MINDY2: variants seen among roughly 807,000 people sequenced by gnomAD.
MINDY2 encodes ubiquitin carboxyl-terminal hydrolase MINDY-2.
MINDY2 carries 52 observed loss-of-function variants against 68.2 expected under a neutral mutation model. The ratio of observed to expected loss-of-function variants is 0.76; its 90% CI spans 0.61 to 0.96. The LOEUF is 0.96. Among genes scored for constraint, MINDY2 ranks in the 40% least tolerant of loss-of-function variants. The pLI is 0.00. For missense variants in MINDY2, 881 were observed against 773.4 expected, an observed-to-expected ratio of 1.14 and a Z score of -1.65; for synonymous variants, 372 against 303.0, an observed-to-expected ratio of 1.23 and a Z score of -2.36.
intron 2 of MINDY2, among the ~76,000 whole-genome samples, chr15:58,799,802 C>T (rs1388130712): frequency 6.6e-6 from 1 of 152,022 alleles, no homozygotes; most frequent in Non-Finnish European, 1.5e-5. Flanking sequence ...GAGAAAGAAA[C>T]ACGATACCTA....
chr15:58,808,667 C>A (rs2029994872), intron 3 of MINDY2, among the ~76,000 whole-genome samples: 1 of 152,108 alleles, frequency 6.6e-6, no homozygotes, highest in Non-Finnish European at 1.5e-5. Context: ...TGCAGTGGCA[C>A]AATCTTGGCT....
chr15:58,800,525 G>T (rs1210860398), intron 2 of MINDY2, among the ~76,000 whole-genome samples: 1 of 152,060 alleles, frequency 6.6e-6, no homozygotes, highest in Non-Finnish European at 1.5e-5. Context: ...TAAATCTTTT[G>T]TATTAACTCT....
chr15:58,834,916 A>C (rs1266649423), intron 6 of MINDY2, among the ~76,000 whole-genome samples: 1 of 152,252 alleles, frequency 6.6e-6, no homozygotes, highest in African/African-American at 2.4e-5. Context: ...GATGTATGTC[A>C]GATGTGGGCC....
chr15:58,829,228 A>G (rs2031585702), intron 5 of MINDY2, among the ~76,000 whole-genome samples: 2 of 152,234 alleles, frequency 1.3e-5, no homozygotes, highest in South Asian at 4.1e-4. Context: ...AGCCTTTTCC[A>G]CTAAAACCAC....
intron 6 of MINDY2, among the ~76,000 whole-genome samples, chr15:58,840,984 TA>T (rs1216367735): frequency 7.1e-5 from 10 of 141,680 alleles, no homozygotes; most frequent in African/African-American, 2.7e-4. Context: ...TTTTTTTTTT[TA>T]ATTTTTTTTG....
intron 2 of MINDY2, among the ~76,000 whole-genome samples, chr15:58,793,010 T>C (rs1471018329): frequency 2.6e-5 from 4 of 151,744 alleles, no homozygotes; most frequent in Non-Finnish European, 5.9e-5. Context: ...CTCTAAAAAA[T>C]GAAAGTTTAA....
chr15:58,781,253 T>C lies in MINDY2; in HGVS notation c.841-6653T>C, dbSNP rs1355612650. On this transcript the variant is annotated intron_variant, in intron 1 of 8. Transcript: ENST00000559228. ...TTTTAGTAGAGACAGGGTTTTACCA[T>C]GTTGGCCAGGCTGGTCTTGAACTCC... Among the ~76,000 whole-genome samples the C allele has an allele frequency of 5.3e-5, 8 of 152,126 alleles. 1 individual carries two copies. Among genetic ancestry groups the C allele is most frequent in the Non-Finnish European group, 2.9e-5 (2 of 68,030 alleles).
intron 1 of MINDY2, among the ~76,000 whole-genome samples, chr15:58,783,479 A>G (rs1901290087): frequency 6.6e-6 from 1 of 152,156 alleles, no homozygotes; most frequent in East Asian, 1.9e-4. Flanking sequence ...CCTTTGGATT[A>G]TCAAAATCAT....
intron 5 of MINDY2, among the ~76,000 whole-genome samples, chr15:58,823,697 A>G (rs1188150000): frequency 1.3e-5 from 2 of 152,068 alleles, no homozygotes; most frequent in African/African-American, 4.8e-5. Flanking sequence ...AACAAAAAAC[A>G]GTATAGAGTC....
At chr15:58,803,101 G>A (rs1442003746) in intron 3 of MINDY2, among the ~76,000 whole-genome samples, 3 of 152,142 alleles carry the variant, frequency 2.0e-5, no homozygotes, top group African/African-American at 7.2e-5. Context: ...CAAAAAGAAA[G>A]CATAACTCAT....
chr15:58,834,239 T>C (rs1360730820), intron 6 of MINDY2, among the ~76,000 whole-genome samples: 10 of 152,214 alleles, frequency 6.6e-5, no homozygotes, highest in African/African-American at 2.4e-4. Context: ...GGGAGTCTCC[T>C]ATGTCTACTT....
intron 5 of MINDY2, among the ~76,000 whole-genome samples, chr15:58,827,446 A>G (rs752392473): frequency 6.6e-6 from 1 of 152,036 alleles, no homozygotes; most frequent in African/African-American, 2.4e-5. Context: ...AAAAAATTGT[A>G]TCCATATAAA....
chr15:58,791,218 TATATA>T (rs1567043710), intron 2 of MINDY2, among the ~76,000 whole-genome samples: 1 of 16,292 alleles, frequency 6.1e-5, no homozygotes, highest in Non-Finnish European at 8.1e-5. Flanking sequence ...AGCAATTTTA[TATATA>T]TATATATATA....
chr15:58,814,535 T>C (rs553273072), intron 4 of MINDY2, among the ~76,000 whole-genome samples: 3 of 152,022 alleles, frequency 2.0e-5, no homozygotes, highest in Non-Finnish European at 2.9e-5. Flanking sequence ...CATGCCACCA[T>C]ACCCTGCTCA....
Position 58,854,644 on chromosome 15 carries a change from T to C in MINDY2, c.*34T>C. 1 of 1,578,638 alleles carries C rather than the reference T, an allele frequency of 6.3e-7. No homozygotes were observed. Among genetic ancestry groups the C allele is most frequent in the Non-Finnish European group, 8.5e-7 (1 of 1,170,256 alleles). ...GGCTTCTGTTGGAACCACCTATATG[T>C]CTTGAGAAACAAAACCACAGGAGGA... On this transcript the variant is annotated 3_prime_UTR_variant, in exon 9 of 9. Coordinates refer to ENST00000559228, the MANE Select transcript of MINDY2 (RefSeq NM_001040450.3).
intron 3 of MINDY2, among the ~76,000 whole-genome samples, chr15:58,807,353 CTTTTTT>C (rs58768604): frequency 9.2e-6 from 1 of 109,054 alleles, no homozygotes. Flanking sequence ...TTAAAATAGT[CTTTTTT>C]TTTTTTTTTT....
intron 1 of MINDY2, among the ~76,000 whole-genome samples, chr15:58,781,278 C>T (rs1681707989): frequency 6.6e-6 from 1 of 152,100 alleles, no homozygotes; most frequent in African/African-American, 2.4e-5. Flanking sequence ...TCTTGAACTC[C>T]TGACCTCAGG....
chr15:58,790,216 CTAGCT>C (rs1262882635), intron 2 of MINDY2, among the ~76,000 whole-genome samples: 16 of 152,286 alleles, frequency 1.1e-4, no homozygotes, highest in Middle Eastern at 3.4e-3. Context: ...CTCTTTTAGG[CTAGCT>C]TAGTGATTCT....
chr15:58,796,494 A>G (rs1396917394), intron 2 of MINDY2, among the ~76,000 whole-genome samples: 1 of 152,222 alleles, frequency 6.6e-6, no homozygotes, highest in Non-Finnish European at 1.5e-5. Flanking sequence ...TTAGTTTCCT[A>G]AATGGGATAA....
Sources: gnomAD v4.1 joint callset for allele counts (sites outside exome capture counted in the v4.1 genomes callset) on GRCh38, gnomAD v4.1.1 for gene constraint, MANE v1.5 for transcripts, NCBI Gene and HGNC (gene_info 2026-07-23, HGNC 2026-07-21) for gene names.